CTIF: variants seen among roughly 807,000 people sequenced by gnomAD.
The protein encoded by CTIF is cap binding complex dependent translation initiation factor.
CTIF carries 21 observed loss-of-function variants against 66.0 expected under a neutral mutation model. The observed-to-expected ratio is 0.32, with a 90% CI of 0.23 to 0.46. The LOEUF (loss-of-function observed/expected upper bound fraction) is 0.46, where lower values mean the gene tolerates loss of function less well. Among genes scored for constraint, CTIF ranks in the 20% least tolerant of loss-of-function variants. The pLI, the probability that CTIF is intolerant of heterozygous loss-of-function variation, is 1.00. For synonymous variants in CTIF, 345 were observed against 326.4 expected (o/e 1.06, Z -0.62); for missense variants, 739 against 812.7 (o/e 0.91, Z 1.10).
At chr18:48,795,296 C>T (rs2067890386) in intron 9 of CTIF, among the ~76,000 whole-genome samples, 1 of 152,172 alleles carries the variant, frequency 6.6e-6, no homozygotes. Flanking sequence ...CTTCAGAGTG[C>T]CCTACACCCT....
chr18:48,675,201 G>C (rs1598847417), intron 6 of CTIF, among the ~76,000 whole-genome samples: 1 of 152,220 alleles, frequency 6.6e-6, no homozygotes, highest in Non-Finnish European at 1.5e-5. Flanking sequence ...AGTTCTAGGG[G>C]ACCCCCAAAT....
At chr18:48,811,755 G>T (rs940722462) in intron 9 of CTIF, among the ~76,000 whole-genome samples, 1 of 152,112 alleles carries the variant, frequency 6.6e-6, no homozygotes, top group African/African-American at 2.4e-5. Context: ...TGTTTTTAAG[G>T]CTGAATAGTA....
chr18:48,687,910 A>G (rs771514767), intron 6 of CTIF, among the ~76,000 whole-genome samples: 3 of 152,212 alleles, frequency 2.0e-5, no homozygotes, highest in Admixed American at 6.5e-5. Context: ...AAGGTCTCAT[A>G]TAAAGTACAA....
intron 1 of CTIF, among the ~76,000 whole-genome samples, chr18:48,619,113 G>T (rs1352234920): frequency 1.3e-5 from 2 of 152,174 alleles, no homozygotes; most frequent in African/African-American, 2.4e-5. Context: ...TGTGTCTCGG[G>T]CCCCATTGTG....
At chr18:48,808,209 T>C (rs111866284) in intron 9 of CTIF, among the ~76,000 whole-genome samples, 165 of 152,352 alleles carry the variant, frequency 1.1e-3, no homozygotes, top group African/African-American at 3.9e-3. Flanking sequence ...ATTCATTCAA[T>C]TACTACTGAT....
intron 1 of CTIF, among the ~76,000 whole-genome samples, chr18:48,601,965 T>C (rs1401455099): frequency 6.6e-6 from 1 of 152,252 alleles, no homozygotes; most frequent in African/African-American, 2.4e-5. Flanking sequence ...CTTGCTCGTT[T>C]CACTGATGCT....
At chr18:48,540,356 G>A (rs1240746408) in intron 1 of CTIF, 2 of 145,722 alleles carry the variant, frequency 1.4e-5, no homozygotes, top group African/African-American at 2.5e-5. Flanking sequence ...CCCGGGCGCC[G>A]GTCATGGGGG....
intron 3 of CTIF, chr18:48,661,746 A>AGCAC (rs1237012822): frequency 1.5e-4 from 23 of 152,374 alleles, no homozygotes; most frequent in African/African-American, 5.5e-4. Context: ...GGATGGTAGC[A>AGCAC]GCACGCATGC....
intron 7 of CTIF, among the ~76,000 whole-genome samples, chr18:48,722,291 C>T (rs1388540894): frequency 6.7e-6 from 1 of 150,152 alleles, no homozygotes. Context: ...TTATAGCTCA[C>T]GACAGCCTCG....
At chr18:48,836,991 G>A (rs562754339) in intron 10 of CTIF, among the ~76,000 whole-genome samples, 17 of 152,318 alleles carry the variant, frequency 1.1e-4, no homozygotes, top group African/African-American at 3.1e-4. Context: ...CATAAGGAGC[G>A]GGGAAGGGCA....
chr18:48,561,517 G>C (rs2089163875), intron 1 of CTIF, among the ~76,000 whole-genome samples: 1 of 152,170 alleles, frequency 6.6e-6, no homozygotes, highest in African/African-American at 2.4e-5. Flanking sequence ...CCTTCTCAGA[G>C]AAACTCCACT....
chr18:48,736,331 C>A (rs2092502700), intron 7 of CTIF, among the ~76,000 whole-genome samples: 1 of 152,210 alleles, frequency 6.6e-6, no homozygotes, highest in African/African-American at 2.4e-5. Context: ...CTGCACTCGG[C>A]ATGCTCTGGG....
intron 3 of CTIF, among the ~76,000 whole-genome samples, chr18:48,660,890 A>C (rs299751): frequency 1.3e-5 from 2 of 152,072 alleles, no homozygotes; most frequent in Admixed American, 1.3e-4. Context: ...CCTTCTCTAC[A>C]TAGTTGCTCT....
chr18:48,784,905 G>T (rs1435599865), intron 9 of CTIF, among the ~76,000 whole-genome samples: 1 of 152,152 alleles, frequency 6.6e-6, no homozygotes, highest in Non-Finnish European at 1.5e-5. Context: ...GGAAACCCTC[G>T]CTGTCATCCA....
At chr18:48,853,283 T>G (rs2069250395) in intron 10 of CTIF, among the ~76,000 whole-genome samples, 1 of 151,632 alleles carries the variant, frequency 6.6e-6, no homozygotes, top group Non-Finnish European at 1.5e-5. Flanking sequence ...GGGAGGTAGG[T>G]GGGGGATGGT....
At chr18:48,590,239 G>A (rs900848165) in intron 1 of CTIF, among the ~76,000 whole-genome samples, 1 of 152,248 alleles carries the variant, frequency 6.6e-6, no homozygotes, top group Admixed American at 6.5e-5. Context: ...CTGCTGCTCT[G>A]GGGCCACACT....
At chr18:48,675,922 A>C (rs140549176) in intron 6 of CTIF, among the ~76,000 whole-genome samples, 1,897 of 152,332 alleles carry the variant, frequency 0.012, 46 homozygotes, top group African/African-American at 0.043. Flanking sequence ...AATTAACTTG[A>C]CTAAGTTCCA....
At chr18:48,668,337 A>T (rs1388738680) in intron 5 of CTIF, among the ~76,000 whole-genome samples, 1 of 152,210 alleles carries the variant, frequency 6.6e-6, no homozygotes, top group Non-Finnish European at 1.5e-5. Flanking sequence ...CCAAGTCCCC[A>T]GTGCCCTCCT....
At chr18:48,803,547 C>A (rs758148757) in intron 9 of CTIF, among the ~76,000 whole-genome samples, 2 of 152,176 alleles carry the variant, frequency 1.3e-5, no homozygotes, top group African/African-American at 2.4e-5. Flanking sequence ...ACCCGATGGT[C>A]CTAGGTAAGG....
Sources: allele counts gnomAD v4.1 joint callset (sites outside exome capture counted in the v4.1 genomes callset), GRCh38; gene constraint gnomAD v4.1.1; transcripts MANE v1.5; gene names NCBI Gene and HGNC (gene_info 2026-07-23, HGNC 2026-07-21).